The following RAB3C variants were observed in gnomAD, a reference collection of about 807,000 sequenced individuals.
RAB3C encodes the protein ras-related protein Rab-3C.
RAB3C carries 17 observed loss-of-function variants against 26.4 expected under a neutral mutation model. The ratio of observed to expected loss-of-function variants is 0.64; its 90% CI spans 0.44 to 0.97. The LOEUF is 0.97. Among genes scored for constraint, RAB3C ranks in the 50% least tolerant of loss-of-function variants. The pLI, the probability that RAB3C is intolerant of heterozygous loss-of-function variation, is 0.00. For synonymous variants in RAB3C, 91 were observed against 95.9 expected (o/e 0.95, Z 0.30); for missense variants, 242 against 281.9 (o/e 0.86, Z 1.01).
intron 4 of RAB3C, among the ~76,000 whole-genome samples, chr5:58,839,533 G>T (rs982496424): frequency 1.3e-5 from 2 of 151,768 alleles, no homozygotes; most frequent in Non-Finnish European, 2.9e-5. Flanking sequence ...ACCATGCCCG[G>T]CTAATTTTGT....
intron 3 of RAB3C, among the ~76,000 whole-genome samples, chr5:58,740,912 C>A (rs1332752469): frequency 6.6e-6 from 1 of 152,184 alleles, no homozygotes; most frequent in African/African-American, 2.4e-5. Context: ...CAGCTCTCCA[C>A]AAGATTGGCT....
chr5:58,759,851 G>T (rs1385804005), intron 3 of RAB3C, among the ~76,000 whole-genome samples: 1 of 152,178 alleles, frequency 6.6e-6, no homozygotes, highest in African/African-American at 2.4e-5. Flanking sequence ...AATTAGTGAT[G>T]AGTCATTTGG....
intron 3 of RAB3C, among the ~76,000 whole-genome samples, chr5:58,797,016 T>A (rs1448935361): frequency 1.0e-5 from 1 of 96,680 alleles, no homozygotes; most frequent in African/African-American, 3.1e-5. Context: ...CACACACACC[T>A]ACCTTCCCTC....
At chr5:58,582,891 G>A (rs1289522502), upstream of RAB3C, 1 of 450,772 alleles carries the variant, frequency 2.2e-6, no homozygotes, top group Admixed American at 3.9e-5. Flanking sequence ...AAAGGAGTAG[G>A]GAGGCTCCGC....
At chr5:58,625,048 G>T (rs574046937) in intron 2 of RAB3C, among the ~76,000 whole-genome samples, 1 of 152,298 alleles carries the variant, frequency 6.6e-6, no homozygotes, top group South Asian at 2.1e-4. Context: ...GGCATAGAGT[G>T]TGTGAATACC....
At position 58,660,404 on chromosome 5, in the gene RAB3C, C is replaced by T. The variant is rs1315644629; in HGVS notation, c.252+42534C>T. Among the ~76,000 whole-genome samples, 4 of 150,192 alleles carry T rather than the reference C, an allele frequency of 2.7e-5. No homozygotes were observed. The East Asian group carries it at 7.7e-4, about 29-fold the overall frequency. On this transcript the variant is annotated intron_variant, in intron 2 of 4. Transcript: ENST00000282878. ...ATTTATTCTTCTTCCCATTCACTCC[C>T]ACCCCAAGCCATGCAGAAACAACAT...
chr5:58,703,614 T>C (rs1471562527), intron 2 of RAB3C, among the ~76,000 whole-genome samples: 1 of 152,208 alleles, frequency 6.6e-6, no homozygotes, highest in Non-Finnish European at 1.5e-5. Context: ...TTTTACTTTT[T>C]TCAAGCTACT....
chr5:58,845,851 C>G (rs186358824), intron 4 of RAB3C, among the ~76,000 whole-genome samples: 2 of 151,774 alleles, frequency 1.3e-5, no homozygotes, highest in Non-Finnish European at 2.9e-5. Flanking sequence ...CATCAGCATT[C>G]ACTCTGCCTT....
intron 2 of RAB3C, among the ~76,000 whole-genome samples, chr5:58,621,176 A>G (rs1382326720): frequency 1.3e-5 from 2 of 152,230 alleles, no homozygotes; most frequent in Non-Finnish European, 2.9e-5. Flanking sequence ...CCTATTATAT[A>G]TTTCAAAGAA....
At chr5:58,707,826 T>C (rs538471467) in intron 2 of RAB3C, among the ~76,000 whole-genome samples, 2 of 152,136 alleles carry the variant, frequency 1.3e-5, no homozygotes, top group Non-Finnish European at 2.9e-5. Context: ...AAATGAATGA[T>C]AGGGAAACTC....
chr5:58,713,824 A>C (rs1273605511), intron 2 of RAB3C, among the ~76,000 whole-genome samples: 1 of 152,214 alleles, frequency 6.6e-6, no homozygotes, highest in Non-Finnish European at 1.5e-5. Flanking sequence ...ATTCTTGGGC[A>C]AACTAGGACG....
intron 3 of RAB3C, chr5:58,823,183 G>A (rs527354730): frequency 2.0e-4 from 67 of 338,514 alleles, no homozygotes; most frequent in Admixed American, 9.1e-4. Context: ...GGTTCTTTCC[G>A]TTCATAAAGA....
intron 3 of RAB3C, among the ~76,000 whole-genome samples, chr5:58,763,860 G>C (rs1342551499): frequency 1.3e-5 from 2 of 152,178 alleles, no homozygotes; most frequent in African/African-American, 2.4e-5. Flanking sequence ...ATAATAGGAT[G>C]CACTGGACTA....
chr5:58,621,427 G>A (rs1746934893), intron 2 of RAB3C, among the ~76,000 whole-genome samples: 1 of 152,160 alleles, frequency 6.6e-6, no homozygotes, highest in Non-Finnish European at 1.5e-5. Flanking sequence ...TGCTAGGTGG[G>A]CTAGTCTGGT....
intron 2 of RAB3C, among the ~76,000 whole-genome samples, chr5:58,631,750 CTT>C (rs1449254940): frequency 2.0e-5 from 3 of 152,156 alleles, no homozygotes; most frequent in Non-Finnish European, 4.4e-5. Flanking sequence ...TTTTTCCTCT[CTT>C]CAAATTTTGC....
intron 2 of RAB3C, among the ~76,000 whole-genome samples, chr5:58,658,614 A>G (rs1332822590): frequency 6.6e-6 from 1 of 152,124 alleles, no homozygotes. Flanking sequence ...TAAAATGACA[A>G]TTTCCTTAGC....
At chr5:58,817,417 A>T (rs1743240583) in intron 3 of RAB3C, among the ~76,000 whole-genome samples, 1 of 152,170 alleles carries the variant, frequency 6.6e-6, no homozygotes, top group Non-Finnish European at 1.5e-5. Flanking sequence ...ATTAATATAC[A>T]TATAAAAGGC....
chr5:58,811,526 T>C (rs531928123), intron 3 of RAB3C, among the ~76,000 whole-genome samples: 27 of 152,230 alleles, frequency 1.8e-4, no homozygotes, highest in African/African-American at 6.5e-4. Context: ...CCAAATCTGT[T>C]TTACCAGAAC....
chr5:58,789,104 T>G (rs548057317), intron 3 of RAB3C, among the ~76,000 whole-genome samples: 2 of 152,214 alleles, frequency 1.3e-5, no homozygotes, highest in South Asian at 2.1e-4. Flanking sequence ...AAATGCATTA[T>G]AAATACAAAA....
Sources: allele counts gnomAD v4.1 joint callset (sites outside exome capture counted in the v4.1 genomes callset), GRCh38; gene constraint gnomAD v4.1.1; transcripts MANE v1.5; gene names NCBI Gene and HGNC (gene_info 2026-07-23, HGNC 2026-07-21).